The following ZCCHC7 variants were observed in gnomAD, a reference collection of about 807,000 sequenced individuals.
The protein encoded by ZCCHC7 is zinc finger CCHC domain-containing protein 7.
In ZCCHC7, 35 loss-of-function variants were observed where a neutral mutation model predicts 52.0. That is an observed-to-expected ratio of 0.67 (90% CI 0.51 to 0.89). ZCCHC7 has a LOEUF of 0.89. Ranked by LOEUF, ZCCHC7 falls within the 40% of genes least tolerant of loss-of-function variation. The pLI is 0.00. For synonymous variants in ZCCHC7, 217 were observed against 221.5 expected (o/e 0.98, Z 0.18); for missense variants, 574 against 649.1 (o/e 0.88, Z 1.26).
At chr9:37,202,234 T>C (rs983480672) in intron 2 of ZCCHC7, among the ~76,000 whole-genome samples, 1 of 152,194 alleles carries the variant, frequency 6.6e-6, no homozygotes, top group African/African-American at 2.4e-5. Flanking sequence ...GGATTTGAGA[T>C]AGATTGGGAT....
intron 2 of ZCCHC7, among the ~76,000 whole-genome samples, chr9:37,279,430 A>G (rs190328449): frequency 9.1e-4 from 139 of 152,216 alleles, no homozygotes; most frequent in Non-Finnish European, 1.8e-3. Flanking sequence ...AGACAAAAAA[A>G]CATAAGGACA....
At chr9:37,299,616 A>G (rs571486) in intron 2 of ZCCHC7, among the ~76,000 whole-genome samples, 2 of 152,146 alleles carry the variant, frequency 1.3e-5, no homozygotes, top group African/African-American at 4.8e-5. Flanking sequence ...TTTAGACACA[A>G]TAGGTAAAGA....
intron 6 of ZCCHC7, among the ~76,000 whole-genome samples, 182 bp downstream of exon 6, chr9:37,328,016 C>G (rs139948251): frequency 9.5e-4 from 145 of 152,144 alleles, no homozygotes; most frequent in Middle Eastern, 3.4e-3. Flanking sequence ...ACCCTATCTT[C>G]CTGTTCTTAA....
At chr9:37,315,532 T>C (rs1829779261) in intron 5 of ZCCHC7, among the ~76,000 whole-genome samples, 1 of 152,012 alleles carries the variant, frequency 6.6e-6, no homozygotes, top group Non-Finnish European at 1.5e-5. Context: ...CTTTTAGTTA[T>C]AGAACATAAA....
chr9:37,273,792 G>A (rs187484210), intron 2 of ZCCHC7, among the ~76,000 whole-genome samples: 4 of 151,954 alleles, frequency 2.6e-5, no homozygotes, highest in Admixed American at 2.0e-4. Flanking sequence ...TCTGTTGATT[G>A]CCTGTTCATA....
At chr9:37,224,934 C>G (rs1825018023) in intron 2 of ZCCHC7, among the ~76,000 whole-genome samples, 1 of 152,238 alleles carries the variant, frequency 6.6e-6, no homozygotes, top group Non-Finnish European at 1.5e-5. Flanking sequence ...CTATACATTT[C>G]TCTCTTAGCA....
intron 2 of ZCCHC7, among the ~76,000 whole-genome samples, chr9:37,157,668 ATAAC>A (rs1564147172): frequency 6.6e-6 from 1 of 152,262 alleles, no homozygotes; most frequent in African/African-American, 2.4e-5. Context: ...AGGCATACAA[ATAAC>A]TAACAGATAT....
At chr9:37,152,467 C>A (rs902981457) in intron 2 of ZCCHC7, among the ~76,000 whole-genome samples, 15 of 152,046 alleles carry the variant, frequency 9.9e-5, no homozygotes, top group African/African-American at 3.4e-4. Context: ...TTTCTAGGAT[C>A]CTGTTCAGGA....
chr9:37,348,971 G>A (rs970514880), intron 6 of ZCCHC7, among the ~76,000 whole-genome samples: 3 of 152,064 alleles, frequency 2.0e-5, no homozygotes, highest in Non-Finnish European at 2.9e-5. Context: ...AACCCCATCC[G>A]CTGGTGGGGG....
intron 2 of ZCCHC7, among the ~76,000 whole-genome samples, chr9:37,202,523 G>T (rs1356839233): frequency 6.6e-6 from 1 of 152,088 alleles, no homozygotes; most frequent in Admixed American, 6.6e-5. Flanking sequence ...GTTTTTAGAG[G>T]CAGGGTCTTG....
intron 2 of ZCCHC7, among the ~76,000 whole-genome samples, chr9:37,266,733 G>T (rs185230589): frequency 6.6e-6 from 1 of 152,160 alleles, no homozygotes; most frequent in Non-Finnish European, 1.5e-5. Context: ...AATTAACCAG[G>T]TATAGTGGTA....
chr9:37,267,705 G>A (rs1056002551), intron 2 of ZCCHC7, among the ~76,000 whole-genome samples: 1 of 151,722 alleles, frequency 6.6e-6, no homozygotes, highest in Non-Finnish European at 1.5e-5. Context: ...GAGTAGCTGG[G>A]ACTACAGGTG....
chr9:37,158,350 A>C (rs1007706726), intron 2 of ZCCHC7, among the ~76,000 whole-genome samples: 1 of 152,224 alleles, frequency 6.6e-6, no homozygotes, highest in Non-Finnish European at 1.5e-5. Flanking sequence ...GGTTTTAAGC[A>C]CTTAGCCCCA....
chr9:37,211,396 T>C (rs910043441), intron 2 of ZCCHC7, among the ~76,000 whole-genome samples: 9 of 152,176 alleles, frequency 5.9e-5, no homozygotes, highest in African/African-American at 2.2e-4. Context: ...GGTTTTTTAA[T>C]AACATAAGCT....
At chr9:37,202,719 C>T (rs935559524) in intron 2 of ZCCHC7, among the ~76,000 whole-genome samples, 4 of 152,108 alleles carry the variant, frequency 2.6e-5, no homozygotes, top group Admixed American at 6.5e-5. Context: ...TGGACTCAAG[C>T]GATCCTCCTG....
intron 2 of ZCCHC7, among the ~76,000 whole-genome samples, chr9:37,280,845 T>G (rs1014259967): frequency 2.6e-4 from 40 of 152,156 alleles, no homozygotes; most frequent in African/African-American, 9.7e-4. Context: ...CATGTCTCAC[T>G]GTAGCCTTGG....
intron 6 of ZCCHC7, among the ~76,000 whole-genome samples, chr9:37,335,852 G>A (rs1830625043): frequency 6.6e-6 from 1 of 152,018 alleles, no homozygotes; most frequent in African/African-American, 2.4e-5. Context: ...TATAAAATGT[G>A]TATCATAAAA....
intron 2 of ZCCHC7, among the ~76,000 whole-genome samples, chr9:37,262,490 A>G (rs559886086): frequency 6.6e-6 from 1 of 152,322 alleles, no homozygotes; most frequent in Admixed American, 6.5e-5. Flanking sequence ...TAATGGCAGT[A>G]TCTTCTTTAT....
intron 2 of ZCCHC7, chr9:37,284,246 G>C (rs1436733873): frequency 6.6e-6 from 1 of 152,170 alleles, no homozygotes; most frequent in Non-Finnish European, 1.5e-5. Flanking sequence ...ATGAGCCATT[G>C]AGTTTTGTGA....
Sources: gnomAD v4.1 joint callset for allele counts (sites outside exome capture counted in the v4.1 genomes callset) on GRCh38, gnomAD v4.1.1 for gene constraint, MANE v1.5 for transcripts, NCBI Gene and HGNC (gene_info 2026-07-23, HGNC 2026-07-21) for gene names.